The following ZNF385D variants were observed in gnomAD, a reference collection of about 807,000 sequenced individuals.
ZNF385D encodes zinc finger protein 385D.
A neutral mutation model predicts 35.8 loss-of-function variants in ZNF385D; 15 were observed. The observed-to-expected ratio is 0.42, with a 90% confidence interval of 0.28 to 0.64. The LOEUF (loss-of-function observed/expected upper bound fraction) is 0.64, where lower values mean the gene tolerates loss of function less well. Ranked by LOEUF, ZNF385D falls within the 30% of genes least tolerant of loss-of-function variation. The pLI, the probability that ZNF385D is intolerant of heterozygous loss-of-function variation, is 0.23. For missense variants in ZNF385D, 474 were observed against 494.6 expected, an observed-to-expected ratio of 0.96 and a Z score of 0.39; for synonymous variants, 212 against 186.8, an observed-to-expected ratio of 1.13 and a Z score of -1.10.
chr3:21,975,390 G>C (rs1045211456), intron 3 of ZNF385D, among the ~76,000 whole-genome samples: 1 of 152,042 alleles, frequency 6.6e-6, no homozygotes, highest in South Asian at 2.1e-4. Flanking sequence ...GAGTAAAATC[G>C]TGGTTACCAG....
At chr3:21,532,734 TTTTG>T (rs2061953623) in intron 3 of ZNF385D, among the ~76,000 whole-genome samples, 1 of 152,174 alleles carries the variant, frequency 6.6e-6, no homozygotes, top group African/African-American at 2.4e-5. Flanking sequence ...TGTTTCATGT[TTTTG>T]TTTATCTCTC....
At chr3:21,915,690 T>C (rs544264927) in intron 3 of ZNF385D, among the ~76,000 whole-genome samples, 1 of 151,908 alleles carries the variant, frequency 6.6e-6, no homozygotes, top group South Asian at 2.1e-4. Flanking sequence ...ACAAAACCAA[T>C]AAGTAGGTCA....
intron 3 of ZNF385D, among the ~76,000 whole-genome samples, chr3:21,940,233 C>T (rs1701450567): frequency 6.6e-6 from 1 of 151,972 alleles, no homozygotes; most frequent in Admixed American, 6.6e-5. Context: ...TGTAACGTAT[C>T]ATCAGGTAAT....
intron 3 of ZNF385D, among the ~76,000 whole-genome samples, chr3:22,097,002 C>T (rs1701668846): frequency 6.6e-6 from 1 of 152,024 alleles, no homozygotes. Flanking sequence ...ACTCAGTTAC[C>T]ATGCTGTAAG....
chr3:22,144,087 G>C (rs920401982), intron 3 of ZNF385D, among the ~76,000 whole-genome samples: 13 of 152,126 alleles, frequency 8.5e-5, no homozygotes, highest in Non-Finnish European at 1.5e-4. Flanking sequence ...TTTTATAAAA[G>C]AATGTGGGAA....
chr3:21,791,302 A>T (rs183553026), intron 3 of ZNF385D, among the ~76,000 whole-genome samples: 175 of 152,324 alleles, frequency 1.1e-3, no homozygotes, highest in Non-Finnish European at 1.6e-3. Flanking sequence ...ACAATAACCC[A>T]AAAAACAAAT....
chr3:21,942,423 A>C (rs1165762669), intron 3 of ZNF385D: 1 of 152,220 alleles, frequency 6.6e-6, no homozygotes, highest in Non-Finnish European at 1.5e-5. Context: ...GTAAGGACTC[A>C]TCCTTCAGCT....
intron 2 of ZNF385D, among the ~76,000 whole-genome samples, chr3:22,294,127 C>A (rs988160069): frequency 6.6e-6 from 1 of 151,508 alleles, no homozygotes; most frequent in Non-Finnish European, 1.5e-5. Context: ...ATAAATATAA[C>A]CTTAATATTG....
At chr3:22,186,513 C>T (rs1046949574) in intron 2 of ZNF385D, among the ~76,000 whole-genome samples, 1 of 152,148 alleles carries the variant, frequency 6.6e-6, no homozygotes, top group African/African-American at 2.4e-5. Context: ...GCTGCCATGT[C>T]CTGAAGTTAT....
chr3:21,784,498 G>A (rs1407527314), intron 3 of ZNF385D, among the ~76,000 whole-genome samples: 3 of 151,944 alleles, frequency 2.0e-5, no homozygotes, highest in Admixed American at 2.0e-4. Context: ...AACGTGTAAA[G>A]TTACACTAAT....
At chr3:21,596,387 C>T (rs964760022) in intron 2 of ZNF385D, among the ~76,000 whole-genome samples, 3 of 152,058 alleles carry the variant, frequency 2.0e-5, no homozygotes, top group South Asian at 2.1e-4. Flanking sequence ...TCAGAGATTC[C>T]GAGTCTCATT....
intron 2 of ZNF385D, among the ~76,000 whole-genome samples, chr3:22,315,051 T>C (rs778664324): frequency 6.6e-6 from 1 of 151,982 alleles, no homozygotes; most frequent in African/African-American, 2.4e-5. Flanking sequence ...GAGTAAAGAA[T>C]GACTAGAGGC....
chr3:22,318,195 A>G (rs1704006219), intron 2 of ZNF385D, among the ~76,000 whole-genome samples: 1 of 152,182 alleles, frequency 6.6e-6, no homozygotes, highest in Non-Finnish European at 1.5e-5. Context: ...GTGGAGAATA[A>G]CTGATGTAGC....
intron 3 of ZNF385D, among the ~76,000 whole-genome samples, chr3:21,828,708 C>A (rs1694809887): frequency 6.6e-6 from 1 of 152,324 alleles, no homozygotes; most frequent in Non-Finnish European, 1.5e-5. Context: ...TGGCTTAAAA[C>A]AATGCAAATT....
rs112747853 is a variant in ZNF385D, at chr3:22,299,178, A to C, written c.106+73272T>G. Among the ~76,000 whole-genome samples the C allele has an allele frequency of 9.6e-3, 1,464 of 152,056 alleles. 30 individuals carry two copies. Among genetic ancestry groups the C allele is most frequent in the African/African-American group, 0.033 (1,377 of 41,534 alleles). On this transcript the variant is annotated intron_variant, in intron 2 of 5. Transcript: ENST00000494108. Reference sequence around the variant, plus strand: ...ACTTTAGTAACCAATAAGATGACAAATATTGCTATACTGGTTTGCTATGGA... The same window carrying C: ...ACTTTAGTAACCAATAAGATGACAACTATTGCTATACTGGTTTGCTATGGA...
At chr3:21,492,138 A>G (rs186394372) in intron 4 of ZNF385D, among the ~76,000 whole-genome samples, 151 of 152,246 alleles carry the variant, frequency 9.9e-4, no homozygotes, top group African/African-American at 3.0e-3. Context: ...TGCAATAAAT[A>G]AAAAGATGGC....
At chr3:22,234,309 T>C (rs1016198176) in intron 2 of ZNF385D, among the ~76,000 whole-genome samples, 1 of 152,120 alleles carries the variant, frequency 6.6e-6, no homozygotes, top group Non-Finnish European at 1.5e-5. Context: ...TGGTGATTGC[T>C]TCATCCAGCA....
intron 1 of ZNF385D, among the ~76,000 whole-genome samples, chr3:21,726,402 A>T (rs755082445): frequency 6.6e-6 from 1 of 152,200 alleles, no homozygotes; most frequent in Non-Finnish European, 1.5e-5. Context: ...CTGTTTGCGG[A>T]TGACATGATC....
In ZNF385D at chr3:22,328,079, T is replaced by A. The variant is rs115210311; in HGVS notation, c.106+44371A>T. 6.7e-3 allele frequency among the ~76,000 whole-genome samples: 1,027 copies of A among 152,310 alleles called. 9 individuals carry two copies. The highest frequency in any genetic ancestry group is 0.024 in the African/African-American group (983 of 41,570). On this transcript the variant is annotated intron_variant, in intron 2 of 5. Coordinates refer to the ZNF385D transcript ENST00000494108. ...TTTACATATGTCTTTTATTTAGGTT[T>A]CTTTTTGTCTGATGATTTCTGACTT...
Sources: allele counts gnomAD v4.1 joint callset (sites outside exome capture counted in the v4.1 genomes callset), GRCh38; gene constraint gnomAD v4.1.1; transcripts MANE v1.5; gene names NCBI Gene and HGNC (gene_info 2026-07-23, HGNC 2026-07-21).